JAKMIP1: variants seen among roughly 807,000 people sequenced by gnomAD.
JAKMIP1 encodes janus kinase and microtubule-interacting protein 1.
JAKMIP1 carries 33 observed loss-of-function variants against 113.0 expected under a neutral mutation model. That is an observed-to-expected ratio of 0.29 (90% CI 0.22 to 0.39). The LOEUF (loss-of-function observed/expected upper bound fraction) is 0.39. Among genes scored for constraint, JAKMIP1 ranks in the 10% least tolerant of loss-of-function variants. JAKMIP1 has a pLI of 1.00. For missense variants in JAKMIP1, 813 were observed against 1,080.5 expected, an observed-to-expected ratio of 0.75 and a Z score of 3.47; for synonymous variants, 480 against 459.9, an observed-to-expected ratio of 1.04 and a Z score of -0.56.
In JAKMIP1 at chr4:6,044,325, A is replaced by C. The variant is rs1714718823; in HGVS notation, c.2029-2098T>G. 6.6e-6 allele frequency among the ~76,000 whole-genome samples: 1 copy of C among 152,158 alleles called. No homozygotes were observed. The highest frequency in any genetic ancestry group is 2.1e-4 in the South Asian group (1 of 4,822). On this transcript the variant is annotated intron_variant, in intron 16 of 20. Coordinates refer to ENST00000409021, the MANE Select transcript of JAKMIP1 (RefSeq NM_001099433.2). This position sits in a 1 kb window ranked among gnomAD's most constrained non-coding sequence, Gnocchi z 4.4. ...CTAATAAACTTCTGTCGAATGAAGGAGAATCAAGGCTGTGCAGGTTGGTGG... is the reference window on the plus strand; with the variant it reads ...CTAATAAACTTCTGTCGAATGAAGGCGAATCAAGGCTGTGCAGGTTGGTGG...
chr4:6,066,333 TAC>T (rs1448666630), intron 8 of JAKMIP1, among the ~76,000 whole-genome samples: 1 of 152,180 alleles, frequency 6.6e-6, no homozygotes, highest in Non-Finnish European at 1.5e-5. Context: ...CTTGTCACCT[TAC>T]ACAGTTTCTG....
intron 2 of JAKMIP1, among the ~76,000 whole-genome samples, chr4:6,109,156 G>A (rs1486495661): frequency 4.8e-5 from 6 of 125,652 alleles, no homozygotes; most frequent in Non-Finnish European, 6.4e-5. Context: ...TTTTTGAGTC[G>A]GAGTCTCGCT....
At position 6,048,997 on chromosome 4, in the gene JAKMIP1, GT is replaced by G. The variant is rs112524365; in HGVS notation, c.1963-76del. 4,634 of 868,614 alleles carry G rather than the reference GT, an allele frequency of 5.3e-3. 6 individuals are homozygous for G. Among genetic ancestry groups the G allele is most frequent in the African/African-American group, 0.017 (958 of 57,878 alleles). The allele number at this position is 868,614 out of a possible 1,614,324, so 53.8% of individuals were successfully genotyped here. A position where few individuals can be genotyped will look rare whatever the true frequency, so the allele number is the denominator to read the frequency against. ...CGTGCAGACAGTCAGCACCAAGCAA[GT>G]TTTTTTTTTTCGTTGTTGTTGTTTG... On this transcript the variant is annotated intron_variant, in intron 15 of 20. Coordinates refer to ENST00000409021, the MANE Select transcript of JAKMIP1 (RefSeq NM_001099433.2).
rs1387383346 is a variant in JAKMIP1, at chr4:6,186,445, C to G, written c.-148+13808G>C. Among the ~76,000 whole-genome samples, 1 of 152,186 alleles carries G rather than the reference C, an allele frequency of 6.6e-6. No homozygotes were observed. The highest frequency in any genetic ancestry group is 2.4e-5 in the African/African-American group (1 of 41,442). On this transcript the variant is annotated intron_variant, in intron 1 of 20. Coordinates refer to ENST00000409021, the MANE Select transcript of JAKMIP1 (RefSeq NM_001099433.2). The surrounding 1 kb of genome is among the most constrained non-coding windows in gnomAD (Gnocchi z 5.5). ...GTGGGGGCCTCTGGTGTCTGGCTGG[C>G]AAGAACTGAACATCAGCTACAGGCC...
intron 3 of JAKMIP1, among the ~76,000 whole-genome samples, chr4:6,098,079 C>T (rs941224444): frequency 7.2e-5 from 11 of 152,198 alleles, no homozygotes; most frequent in African/African-American, 2.4e-4. Context: ...TAACAAGGTG[C>T]TGTCCAAAAC....
chr4:6,151,836 A>C (rs572576585), intron 1 of JAKMIP1, among the ~76,000 whole-genome samples: 2 of 152,288 alleles, frequency 1.3e-5, no homozygotes, highest in African/African-American at 4.8e-5. Flanking sequence ...TTATCCAATA[A>C]CCATACCAAA....
At chr4:6,036,161 A>T in intron 18 of JAKMIP1, 54 bp from the exon 19 acceptor site, 1 of 1,378,948 alleles carries the variant, frequency 7.3e-7, no homozygotes, top group Non-Finnish European at 9.9e-7. Context: ...GTGGACAGGA[A>T]CCACCAGAAG....
At chr4:6,045,716 A>C (rs1042042115) in intron 16 of JAKMIP1, among the ~76,000 whole-genome samples, 1 of 152,216 alleles carries the variant, frequency 6.6e-6, no homozygotes, top group African/African-American at 2.4e-5. Flanking sequence ...TACTAAAAAT[A>C]CAAAAATTAG....
At chr4:6,149,563 A>T (rs1172674695) in intron 1 of JAKMIP1, among the ~76,000 whole-genome samples, 1 of 152,252 alleles carries the variant, frequency 6.6e-6, no homozygotes, top group East Asian at 1.9e-4. Context: ...CACGTGGTCA[A>T]GATAGAAAGG....
Position 6,199,732 on chromosome 4 carries a change from G to A in JAKMIP1, c.-148+521C>T, listed in dbSNP as rs532131081. Among the ~76,000 whole-genome samples, 1 of 151,402 alleles carries A rather than the reference G, an allele frequency of 6.6e-6. No individual in the cohort carries two copies. Among genetic ancestry groups the A allele is most frequent in the African/African-American group, 2.4e-5 (1 of 41,344 alleles). The stretch of plus-strand genomic sequence containing the variant: ...CTGGGCGGCCTCGCCTTCGGGCCCC[G>A]CGCCGCCGGGGCGCGGCCCCCAGCT... On this transcript the variant is annotated intron_variant, in intron 1 of 20. Coordinates refer to ENST00000409021, the MANE Select transcript of JAKMIP1 (RefSeq NM_001099433.2). The surrounding 1 kb of genome is among the most constrained non-coding windows in gnomAD (Gnocchi z 5.6).
Position 6,169,693 on chromosome 4 carries a change from C to A in JAKMIP1, c.-148+30560G>T, listed in dbSNP as rs185610728. ...GATCTAAGAATCACACCTAGGGTAACCCCAGCTTAGTGCAGGTCCTGAAGC... is the reference window on the plus strand; with the variant it reads ...GATCTAAGAATCACACCTAGGGTAAACCCAGCTTAGTGCAGGTCCTGAAGC... On this transcript the variant is annotated intron_variant, in intron 1 of 20. Coordinates refer to ENST00000409021, the MANE Select transcript of JAKMIP1 (RefSeq NM_001099433.2). 2.8e-3 allele frequency among the ~76,000 whole-genome samples: 427 copies of A among 151,514 alleles called. 2 individuals carry two copies. Among genetic ancestry groups the A allele is most frequent in the Middle Eastern group, 0.027 (8 of 294 alleles).
chr4:6,146,819 C>A (rs954630127), intron 1 of JAKMIP1, among the ~76,000 whole-genome samples: 1 of 152,206 alleles, frequency 6.6e-6, no homozygotes, highest in Admixed American at 6.5e-5. Context: ...TGGGTCTGAA[C>A]TCCAAAGTCC....
intron 20 of JAKMIP1, among the ~76,000 whole-genome samples, chr4:6,028,859 G>A (rs1437976929): frequency 6.6e-6 from 1 of 152,180 alleles, no homozygotes; most frequent in Non-Finnish European, 1.5e-5. Flanking sequence ...GGCAATTATT[G>A]TTTTTCTGTA....
chr4:6,105,003 C>T (rs1053881688), intron 3 of JAKMIP1, among the ~76,000 whole-genome samples: 2 of 152,244 alleles, frequency 1.3e-5, no homozygotes, highest in Non-Finnish European at 2.9e-5. Context: ...AGGGCTCTTT[C>T]CCCTTCCCTT....
rs1717875659 is a variant in JAKMIP1 at position 6,065,076 on chromosome 4, G to A, written c.1303-68C>T. 9 of 1,593,292 alleles carry A rather than the reference G, an allele frequency of 5.6e-6. No homozygotes were observed. The highest frequency in any genetic ancestry group is 2.2e-5 in the East Asian group (1 of 44,746). On this transcript the variant is annotated intron_variant, in intron 8 of 20. Coordinates refer to ENST00000409021, the MANE Select transcript of JAKMIP1 (RefSeq NM_001099433.2). The surrounding 1 kb of genome is among the most constrained non-coding windows in gnomAD (Gnocchi z 5.1). ...TGCCAGAGTCTACCAGTCCCTGGTC[G>A]TGGGCATGCCAGTGCAGGGGGGTGA...
chr4:6,151,774 C>T (rs371468479), intron 1 of JAKMIP1, among the ~76,000 whole-genome samples: 3 of 152,254 alleles, frequency 2.0e-5, no homozygotes, highest in Admixed American at 1.3e-4. Flanking sequence ...AGACCTTAGG[C>T]CAGTGAGTCC....
Position 6,056,745 on chromosome 4 carries a change from A to T in JAKMIP1, c.1659T>A (p.Val553=), listed in dbSNP as rs774779387. ...TTCTGATGAGCAGCTGCTTCTCTTC[A>T]ACCCACTTGGAATCCTAAGGAAAAG... is the stretch of plus-strand genomic sequence containing the variant. ...LVEKGQDSKW[V]EEKQLLIRTN... The change falls in exon 12 of 21, where the codon GTT becomes GTA. Residue 553 remains valine, a synonymous_variant. Transcript: ENST00000409021. 1 of 1,612,820 alleles carries T rather than the reference A, an allele frequency of 6.2e-7. No homozygotes were observed. Among genetic ancestry groups the T allele is most frequent in the Non-Finnish European group, 8.5e-7 (1 of 1,179,178 alleles).
chr4:6,106,474 T>C lies in JAKMIP1; in HGVS notation c.130-507A>G, dbSNP rs543239892. Among the ~76,000 whole-genome samples the C allele has an allele frequency of 6.6e-6, 1 of 152,228 alleles. No individual in the cohort carries two copies. The highest frequency in any genetic ancestry group is 1.9e-4 in the East Asian group (1 of 5,178). ...TGGGGGCTCCAATGCATCACCCACA[T>C]TGCCACATGAACCCCTCACGGTCTT... On this transcript the variant is annotated intron_variant, in intron 2 of 20. Transcript: ENST00000409021. This position sits in a 1 kb window ranked among gnomAD's most constrained non-coding sequence, Gnocchi z 5.9.
rs1033029639 is a variant in JAKMIP1 at position 6,139,891 on chromosome 4, A to C, written c.-147-26894T>G. On this transcript the variant is annotated intron_variant, in intron 1 of 20. Coordinates refer to ENST00000409021, the MANE Select transcript of JAKMIP1 (RefSeq NM_001099433.2). The surrounding 1 kb of genome is among the most constrained non-coding windows in gnomAD (Gnocchi z 5.2). Reference sequence around the variant, plus strand: ...GTCACGGGGCAGATTCCACGAGCCAAGGAATACCAAGGACTGCCACCAAAG... The same window carrying C: ...GTCACGGGGCAGATTCCACGAGCCACGGAATACCAAGGACTGCCACCAAAG... 6.6e-6 allele frequency among the ~76,000 whole-genome samples: 1 copy of C among 152,116 alleles called. No homozygotes were observed. The highest frequency in any genetic ancestry group is 2.4e-5 in the African/African-American group (1 of 41,384).
Sources: gnomAD v4.1 joint callset for allele counts (sites outside exome capture counted in the v4.1 genomes callset) on GRCh38, gnomAD v4.1.1 for gene constraint, Gnocchi (gnomAD v3.1) non-coding constraint, MANE v1.5 for transcripts, NCBI Gene and HGNC (gene_info 2026-07-23, HGNC 2026-07-21) for gene names.